Variants in PCDH11Y observed in about 807,000 individuals in gnomAD.
The protein encoded by PCDH11Y is protocadherin-11 Y-linked.
For missense variants in PCDH11Y, 12 were observed against 224.8 expected, an observed-to-expected ratio of 0.05 and a Z score of 6.05; for synonymous variants, 9 against 83.6, an observed-to-expected ratio of 0.11 and a Z score of 4.87.
At chrY:5,564,469 G>T in intron 3 of PCDH11Y, among the ~76,000 whole-genome samples, 1 of 32,512 alleles carries the variant, frequency 3.1e-5, no homozygotes, top group Non-Finnish European at 7.5e-5. Context: ...AAATGAGTTG[G>T]TTAAGTAGAG....
At chrY:5,162,739 G>A in intron 2 of PCDH11Y, among the ~76,000 whole-genome samples, 1 of 32,862 alleles carries the variant, frequency 3.0e-5, no homozygotes, top group Admixed American at 2.8e-4. Flanking sequence ...TGTTAGAGTA[G>A]ACATGCAAGA....
intron 2 of PCDH11Y, among the ~76,000 whole-genome samples, chrY:5,407,430 A>C: frequency 3.2e-5 from 1 of 30,981 alleles, no homozygotes; most frequent in Non-Finnish European, 7.7e-5. Flanking sequence ...ACTAAGAGGC[A>C]CATCTCAGTG....
chrY:5,528,666 G>A, intron 3 of PCDH11Y, among the ~76,000 whole-genome samples: 13 of 32,468 alleles, frequency 4.0e-4, no homozygotes, highest in Non-Finnish European at 8.4e-4. Flanking sequence ...AGTACATCTC[G>A]CAAAAAATAG....
chrY:5,281,515 G>C, intron 2 of PCDH11Y, among the ~76,000 whole-genome samples: 1 of 29,942 alleles, frequency 3.3e-5, no homozygotes, highest in Non-Finnish European at 8.0e-5. Flanking sequence ...TTATTATATA[G>C]GTTTTTAATT....
intron 2 of PCDH11Y, among the ~76,000 whole-genome samples, chrY:5,492,681 C>T: frequency 4.0e-5 from 1 of 25,306 alleles, no homozygotes; most frequent in Non-Finnish European, 9.0e-5. Context: ...ACAACTCCAC[C>T]CACAACTATA....
At chrY:5,108,639 C>T (rs2052798793), downstream of PCDH11Y, among the ~76,000 whole-genome samples, 55 of 26,973 alleles carry the variant, frequency 2.0e-3, no homozygotes, top group South Asian at 4.7e-3. Context: ...CCCAGCTACT[C>T]GGGAGGCTGA....
At chrY:5,433,414 G>A in intron 2 of PCDH11Y, among the ~76,000 whole-genome samples, 1 of 33,214 alleles carries the variant, frequency 3.0e-5, no homozygotes, top group Non-Finnish European at 7.4e-5. Context: ...ATATATTTGT[G>A]TCCACAGTAT....
chrY:5,244,297 C>T, intron 2 of PCDH11Y, among the ~76,000 whole-genome samples: 1 of 33,656 alleles, frequency 3.0e-5, no homozygotes, highest in Non-Finnish European at 7.3e-5. Flanking sequence ...TAGCACTAAA[C>T]GCCCACAGCA....
chrY:5,196,244 C>G, intron 2 of PCDH11Y, among the ~76,000 whole-genome samples: 3 of 33,675 alleles, frequency 8.9e-5, no homozygotes, highest in Admixed American at 2.7e-4. Flanking sequence ...AGCTGTCAGA[C>G]AAACCCATAA....
At chrY:5,412,555 T>C in intron 2 of PCDH11Y, among the ~76,000 whole-genome samples, 1 of 33,458 alleles carries the variant, frequency 3.0e-5, no homozygotes, top group Non-Finnish European at 7.4e-5. Context: ...TTCAGTATGA[T>C]GTTGGCTGCG....
intron 2 of PCDH11Y, among the ~76,000 whole-genome samples, chrY:5,387,025 T>A (rs1602917123): frequency 0.011 from 291 of 27,666 alleles, no homozygotes; most frequent in African/African-American, 0.04. Context: ...GGTTGCTGTT[T>A]AGATTTTTTT....
chrY:5,108,708 C>T (rs2052799298), downstream of PCDH11Y, among the ~76,000 whole-genome samples: 3 of 21,778 alleles, frequency 1.4e-4, no homozygotes, highest in African/African-American at 5.6e-4. Context: ...GATGGCGCCA[C>T]TGCACTCCAG....
At chrY:5,703,577 T>C (rs2053580047) in intron 4 of PCDH11Y, among the ~76,000 whole-genome samples, 1 of 32,834 alleles carries the variant, frequency 3.0e-5, no homozygotes, top group Admixed American at 2.8e-4. Context: ...TTAGAAGAGA[T>C]AGACAAATTT....
exon 5 of PCDH11Y, chrY:5,740,002 G>C (rs368913212): frequency 3.3e-4 from 11 of 32,868 alleles, no homozygotes; most frequent in African/African-American, 1.3e-3. Context: ...AAAAATCAGT[G>C]CTTCCAGTAG....
At chrY:5,500,572 A>G (rs2053351761) in intron 2 of PCDH11Y, among the ~76,000 whole-genome samples, 1 of 33,438 alleles carries the variant, frequency 3.0e-5, no homozygotes, top group Non-Finnish European at 7.3e-5. Flanking sequence ...CTAAAGGATG[A>G]TGTACTTTTA....
At chrY:5,307,436 A>T in intron 2 of PCDH11Y, among the ~76,000 whole-genome samples, 3 of 33,326 alleles carry the variant, frequency 9.0e-5, no homozygotes, top group Non-Finnish European at 2.2e-4. Flanking sequence ...ACCTTAAAAA[A>T]ATAAGTATTA....
chrY:5,244,527 G>C, intron 2 of PCDH11Y, among the ~76,000 whole-genome samples: 5 of 33,601 alleles, frequency 1.5e-4, no homozygotes, highest in African/African-American at 3.5e-4. Context: ...AGCCACATGA[G>C]GCAGGGGAGC....
downstream of PCDH11Y, among the ~76,000 whole-genome samples, chrY:5,102,986 A>C: frequency 3.0e-5 from 1 of 33,210 alleles, no homozygotes; most frequent in Non-Finnish European, 7.5e-5. Flanking sequence ...GCAGACTAAT[A>C]TGATACTAAA....
intron 4 of PCDH11Y, among the ~76,000 whole-genome samples, chrY:5,584,756 G>C (rs2124697730): frequency 3.4e-5 from 1 of 29,430 alleles, no homozygotes; most frequent in Admixed American, 3.2e-4. Context: ...CATCCTCCAA[G>C]AGACCCCAGT....
Sources: gnomAD v4.1 joint callset for allele counts (sites outside exome capture counted in the v4.1 genomes callset) on GRCh38, gnomAD v4.1.1 for gene constraint, MANE v1.5 for transcripts, NCBI Gene and HGNC (gene_info 2026-07-23, HGNC 2026-07-21) for gene names.